MED26: variants seen among roughly 807,000 people sequenced by gnomAD.
MED26 encodes mediator of RNA polymerase II transcription subunit 26.
Under a neutral mutation model 43.7 loss-of-function variants are expected in MED26, and 7 were observed. That is an observed-to-expected ratio of 0.16 (90% CI 0.09 to 0.30). The LOEUF (loss-of-function observed/expected upper bound fraction) is 0.30. MED26 is among the 10% of genes least tolerant of loss of function. MED26 has a pLI of 1.00. For synonymous variants in MED26, 375 were observed against 371.1 expected (o/e 1.01, Z -0.12); for missense variants, 784 against 840.6 (o/e 0.93, Z 0.83).
intron 1 of MED26, among the ~76,000 whole-genome samples, chr19:16,622,514 T>C (rs141853222): frequency 2.0e-5 from 3 of 152,358 alleles, no homozygotes; most frequent in Admixed American, 1.3e-4. Flanking sequence ...ACTCAGGAAA[T>C]GCTTCCCGGT....
chr19:16,610,518 G>C (rs1379704695), intron 1 of MED26: 1 of 151,246 alleles, frequency 6.6e-6, no homozygotes, highest in African/African-American at 2.4e-5. Context: ...TCAGCCTCCT[G>C]GTAGCTGGGA....
chr19:16,594,375 G>A (rs1284682578), intron 1 of MED26, among the ~76,000 whole-genome samples: 2 of 152,262 alleles, frequency 1.3e-5, no homozygotes, highest in Admixed American at 1.3e-4. Context: ...AAGTGGGGTG[G>A]AGCGGATCTC....
In MED26 at chr19:16,575,872, G is replaced by A. The variant is rs989053946; in HGVS notation, c.*155C>T. On this transcript the variant is annotated 3_prime_UTR_variant, in exon 3 of 3. Coordinates refer to ENST00000263390, the MANE Select transcript of MED26 (RefSeq NM_004831.5). ...AAGAGTTTTGAGGGAAGAGCGCAGA[G>A]AGACCGCGTGACTCCCGCCCCCTCC... The A allele has an allele frequency of 1.6e-6, 1 of 638,338 alleles. No individual in the cohort carries two copies. The highest frequency in any genetic ancestry group is 1.8e-5 in the African/African-American group (1 of 54,420). The allele number at this position is 638,338 out of a possible 1,614,324, so 39.5% of individuals were successfully genotyped here.
intron 1 of MED26, among the ~76,000 whole-genome samples, chr19:16,581,787 C>T (rs1346443085): frequency 6.6e-6 from 1 of 152,250 alleles, no homozygotes; most frequent in Non-Finnish European, 1.5e-5. Flanking sequence ...TACCCTTGGC[C>T]CCTCCCCTGC....
chr19:16,625,080 T>C (rs926919035), intron 1 of MED26, among the ~76,000 whole-genome samples: 2 of 152,204 alleles, frequency 1.3e-5, no homozygotes, highest in African/African-American at 2.4e-5. Flanking sequence ...GGAACAATCA[T>C]GCACACACTG....
intron 1 of MED26, among the ~76,000 whole-genome samples, chr19:16,602,858 G>A (rs570613465): frequency 4.6e-5 from 7 of 152,306 alleles, no homozygotes; most frequent in African/African-American, 1.7e-4. Context: ...GTGTTGAATG[G>A]GAACAGAGCT....
In MED26 at chr19:16,605,536, G is replaced by A. The variant is rs116557672; in HGVS notation, c.72+22336C>T. Among the ~76,000 whole-genome samples, 983 of 152,342 alleles carry A rather than the reference G, an allele frequency of 6.5e-3. 12 individuals are homozygous for A. The highest frequency in any genetic ancestry group is 0.023 in the African/African-American group (941 of 41,580). Reference sequence around the variant, plus strand: ...GGCCACCATCCACCTGAGGCAGGTAGGATTGGCCAGGCTGCCCCACTCACT... The same window carrying A: ...GGCCACCATCCACCTGAGGCAGGTAAGATTGGCCAGGCTGCCCCACTCACT... On this transcript the variant is annotated intron_variant, in intron 1 of 2. Coordinates refer to ENST00000263390, the MANE Select transcript of MED26 (RefSeq NM_004831.5).
At chr19:16,621,535 A>C (rs1454290814) in intron 1 of MED26, among the ~76,000 whole-genome samples, 1 of 152,124 alleles carries the variant, frequency 6.6e-6, no homozygotes, top group East Asian at 1.9e-4. Flanking sequence ...TAACATCCAA[A>C]GGCCTTTAAC....
chr19:16,601,312 C>T (rs545374667), intron 1 of MED26, among the ~76,000 whole-genome samples: 3 of 152,204 alleles, frequency 2.0e-5, no homozygotes, highest in East Asian at 2.0e-4. Flanking sequence ...TGCGCCACCA[C>T]GCCCAGCTAA....
chr19:16,600,154 C>T (rs1006051852), intron 1 of MED26, among the ~76,000 whole-genome samples: 1 of 151,992 alleles, frequency 6.6e-6, no homozygotes, highest in African/African-American at 2.4e-5. Context: ...CTCCCTAGGT[C>T]CCCCCTCATC....
rs1188537897 is a variant in MED26 at position 16,577,814 on chromosome 19, C to G, written c.148-132G>C. 1 of 631,568 alleles carries G rather than the reference C, an allele frequency of 1.6e-6. No homozygotes were observed. 39.1% of individuals were successfully genotyped at this position (631,568 alleles called of 1,614,324 possible). A position where few individuals can be genotyped will look rare whatever the true frequency, so the allele number is the denominator to read the frequency against. On this transcript the variant is annotated intron_variant, in intron 2 of 2. Transcript: ENST00000263390. This position sits in a 1 kb window ranked among gnomAD's most constrained non-coding sequence, Gnocchi z 8.1. ...ACTGAGCCCTAAACTGCCAGCTTCC[C>G]TGACACAAAACTTCTGGGGATTTCC... is the stretch of plus-strand genomic sequence containing the variant.
chr19:16,595,531 G>A (rs2086116394), intron 1 of MED26, among the ~76,000 whole-genome samples: 1 of 152,256 alleles, frequency 6.6e-6, no homozygotes, highest in African/African-American at 2.4e-5. Flanking sequence ...GACATCCTGT[G>A]GTGGCTTCAG....
chr19:16,577,596 C>G lies in MED26; in HGVS notation c.234G>C (p.Arg78=), dbSNP rs1355304135. The change falls in exon 3 of 3, where the codon CGG becomes CGC. Residue 78 remains arginine (R), a synonymous_variant. Coordinates refer to ENST00000263390, the MANE Select transcript of MED26 (RefSeq NM_004831.5). The surrounding 1 kb of genome is among the most constrained non-coding windows in gnomAD (Gnocchi z 8.1). ...CCGGCTCGATGAGCTTCTGCCAGCT[C>G]CGCAGCAGCTTCTTGGCCCGCTTGG... ...ELAKRAKKLL[R]SWQKLIEPAH... is the part of the protein sequence containing the mutation. 1 of 1,607,910 alleles carries G rather than the reference C, an allele frequency of 6.2e-7. No homozygotes were observed. The highest frequency in any genetic ancestry group is 8.5e-7 in the Non-Finnish European group (1 of 1,175,482).
intron 1 of MED26, 26 bp downstream of exon 1, chr19:16,627,846 T>C (rs1452030644): frequency 1.4e-6 from 2 of 1,465,078 alleles, no homozygotes; most frequent in Non-Finnish European, 1.8e-6. Context: ...GCGGCCTCCG[T>C]CCCAGCTCGC....
At chr19:16,596,696 G>C (rs1398151749) in intron 1 of MED26, among the ~76,000 whole-genome samples, 1 of 152,170 alleles carries the variant, frequency 6.6e-6, no homozygotes, top group African/African-American at 2.4e-5. Flanking sequence ...GGCAAGAGCA[G>C]ATCTAGCCCC....
intron 1 of MED26, among the ~76,000 whole-genome samples, chr19:16,594,896 G>A (rs7259072): frequency 0.027 from 4,036 of 152,182 alleles, 155 homozygotes; most frequent in Admixed American, 0.084. Flanking sequence ...ACACCAAAAC[G>A]GCTCTACCCA....
At position 16,575,248 on chromosome 19, in the gene MED26, A is replaced by AGGGAAAAAAGAAAAGGG. The variant is rs2085986513; in HGVS notation, c.*762_*778dup. On this transcript the variant is annotated 3_prime_UTR_variant, in exon 3 of 3. Transcript: ENST00000263390. The stretch of plus-strand genomic sequence containing the variant: ...TGAAGTTTTCTAGATGTGTACAGGA[A>AGGGAAAAAAGAAAAGGG]GGGAAAAAAGAAAAGGGAGGAAGAA... 6.6e-6 allele frequency: 1 copy of AGGGAAAAAAGAAAAGGG among 152,666 alleles called. No individual in the cohort carries two copies. The highest frequency in any genetic ancestry group is 1.5e-5 in the Non-Finnish European group (1 of 68,046). The allele number at this position is 152,666 out of a possible 1,614,324, so 9.5% of individuals were successfully genotyped here.
At chr19:16,594,665 G>C (rs1172532488) in intron 1 of MED26, among the ~76,000 whole-genome samples, 1 of 151,996 alleles carries the variant, frequency 6.6e-6, no homozygotes, top group Non-Finnish European at 1.5e-5. Flanking sequence ...GAAAAAACCA[G>C]AACTTTCTTC....
At position 16,577,376 on chromosome 19, in the gene MED26, C is replaced by T. The variant is rs777478207; in HGVS notation, c.454G>A (p.Asp152Asn). The T allele has an allele frequency of 1.2e-6, 2 of 1,609,636 alleles. No individual in the cohort carries two copies. The highest frequency in any genetic ancestry group is 1.1e-5 in the South Asian group (1 of 91,004). Residue 152 changes from aspartate to asparagine, a missense_variant, in exon 3 of 3, where the codon GAC (aspartate) becomes AAC (asparagine). Physicochemically the swap from Asp to Asn is conservative, Grantham distance 23. Around this residue, in one of 3 missense-constraint regions of MED26, gnomAD observed 719 missense variants for 730.9 expected, o/e 0.98. Transcript: ENST00000263390. The surrounding 1 kb of genome is among the most constrained non-coding windows in gnomAD (Gnocchi z 8.1). The stretch of plus-strand genomic sequence containing the variant: ...CCTGGGTGGCCGAGGTCACGCTGGT[C>T]ACCCCGGCGCTTGCGGCTGCCCAGC... ...DRLGSRKRRG[D>N]QRDLGHPGPP...
Sources: allele counts gnomAD v4.1 joint callset (sites outside exome capture counted in the v4.1 genomes callset), GRCh38; gene constraint gnomAD v4.1.1; regional missense constraint gnomAD v4.1.1; non-coding constraint Gnocchi (gnomAD v3.1); transcripts MANE v1.5; gene names NCBI Gene and HGNC (gene_info 2026-07-23, HGNC 2026-07-21).